The following FHOD3 variants were observed in gnomAD, a reference collection of about 807,000 sequenced individuals.
FHOD3 encodes the protein formin homology 2 domain containing 3.
Under a neutral mutation model 173.0 loss-of-function variants are expected in FHOD3, and 90 were observed. The ratio of observed to expected loss-of-function variants is 0.52; its 90% CI spans 0.44 to 0.62. The LOEUF is 0.62. Among genes scored for constraint, FHOD3 ranks in the 20% least tolerant of loss-of-function variants. The probability of loss-of-function intolerance (pLI) is 0.00; values close to 1 mark genes in which losing one functional copy is unlikely to be tolerated. For synonymous variants in FHOD3, 828 were observed against 823.0 expected (o/e 1.01, Z -0.10); for missense variants, 1,945 against 2,034.7 (o/e 0.96, Z 0.85).
At position 36,755,236 on chromosome 18, in the gene FHOD3, A is replaced by G; in HGVS notation, c.4350A>G (p.Glu1450=). 2 of 1,612,748 alleles carry G rather than the reference A, an allele frequency of 1.2e-6. No homozygotes were observed. The highest frequency in any genetic ancestry group is 1.1e-5 in the South Asian group (1 of 90,952). ...EFALEYRTTR[E]RVLQQKQKRA... Reference sequence around the variant, plus strand: ...CACTAGAGTATCGCACAACCAGGGAAAGGGTTTTGCAGCAGAAACAGAAAC... The same window carrying G: ...CACTAGAGTATCGCACAACCAGGGAGAGGGTTTTGCAGCAGAAACAGAAAC... Residue 1450 remains glutamate, a synonymous_variant, in exon 25 of 29, where the codon GAA becomes GAG. Coordinates refer to ENST00000590592, the MANE Select transcript of FHOD3 (RefSeq NM_001281740.3).
chr18:36,538,067 A>G (rs539196959), intron 5 of FHOD3, among the ~76,000 whole-genome samples: 67 of 152,350 alleles, frequency 4.4e-4, no homozygotes, highest in South Asian at 2.7e-3. Context: ...TCATTTGGAA[A>G]CAAACAAACA....
At chr18:36,608,761 T>C (rs959757349) in intron 8 of FHOD3, among the ~76,000 whole-genome samples, 1 of 152,204 alleles carries the variant, frequency 6.6e-6, no homozygotes, top group African/African-American at 2.4e-5. Context: ...AAGTAACCCT[T>C]TGAGGCTGGC....
intron 22 of FHOD3, among the ~76,000 whole-genome samples, chr18:36,743,060 C>T (rs1052513395): frequency 4.6e-5 from 7 of 152,162 alleles, no homozygotes; most frequent in African/African-American, 1.7e-4. Context: ...CCTGTAATCC[C>T]AGGACTTTGT....
At chr18:36,555,450 T>C (rs1403611522) in intron 5 of FHOD3, among the ~76,000 whole-genome samples, 3 of 152,094 alleles carry the variant, frequency 2.0e-5, no homozygotes, top group Middle Eastern at 3.2e-3. Flanking sequence ...GAGAGTGTTT[T>C]TGTGGGTCAG....
At chr18:36,395,128 A>G (rs898305469) in intron 3 of FHOD3, among the ~76,000 whole-genome samples, 2 of 151,914 alleles carry the variant, frequency 1.3e-5, no homozygotes, top group Non-Finnish European at 2.9e-5. Context: ...ACCACCATCA[A>G]TATAACTACT....
chr18:36,701,643 G>C (rs947703612), intron 17 of FHOD3, among the ~76,000 whole-genome samples: 1 of 151,982 alleles, frequency 6.6e-6, no homozygotes, highest in Non-Finnish European at 1.5e-5. Flanking sequence ...TGATTCCAAC[G>C]TGCCCCTTGT....
intron 10 of FHOD3, among the ~76,000 whole-genome samples, chr18:36,639,672 A>AAAAT (rs2035159405): frequency 6.6e-6 from 1 of 151,374 alleles, no homozygotes; most frequent in African/African-American, 2.4e-5. Context: ...CAAAAAAAAA[A>AAAAT]AAAAGCTGGG....
At chr18:36,436,539 G>T (rs894150121) in intron 3 of FHOD3, among the ~76,000 whole-genome samples, 6 of 152,170 alleles carry the variant, frequency 3.9e-5, no homozygotes, top group Admixed American at 3.9e-4. Context: ...TCTACAGATT[G>T]CTATGTTACG....
chr18:36,662,124 G>A (rs1035141411), intron 14 of FHOD3, among the ~76,000 whole-genome samples: 1 of 152,184 alleles, frequency 6.6e-6, no homozygotes, highest in African/African-American at 2.4e-5. Context: ...CACCTCAAGC[G>A]CATATGTGGT....
intron 22 of FHOD3, among the ~76,000 whole-genome samples, chr18:36,743,300 C>A (rs763098035): frequency 2.2e-5 from 2 of 91,064 alleles, no homozygotes; most frequent in African/African-American, 9.6e-5. Context: ...CAGAGCAAGA[C>A]TCTGTCTCAA....
At chr18:36,715,342 G>T (rs565814327) in intron 18 of FHOD3, among the ~76,000 whole-genome samples, 1 of 152,172 alleles carries the variant, frequency 6.6e-6, no homozygotes, top group Non-Finnish European at 1.5e-5. Flanking sequence ...CTGCCACCAC[G>T]TAAAGGAGGA....
intron 1 of FHOD3, among the ~76,000 whole-genome samples, chr18:36,313,379 C>G (rs1168188636): frequency 1.3e-5 from 2 of 152,210 alleles, no homozygotes; most frequent in African/African-American, 4.8e-5. Context: ...GTGACTGCCA[C>G]CACTAACAGG....
intron 3 of FHOD3, among the ~76,000 whole-genome samples, chr18:36,493,027 G>A (rs2054545523): frequency 6.6e-6 from 1 of 151,998 alleles, no homozygotes; most frequent in African/African-American, 2.4e-5. Flanking sequence ...CCAGCTCTGG[G>A]GCCAGCATCT....
At chr18:36,771,894 T>C (rs752395757) in intron 28 of FHOD3, among the ~76,000 whole-genome samples, 3 of 152,224 alleles carry the variant, frequency 2.0e-5, no homozygotes, top group Non-Finnish European at 2.9e-5. Flanking sequence ...GCATGGGACA[T>C]TGGACTGGCT....
intron 8 of FHOD3, among the ~76,000 whole-genome samples, chr18:36,603,774 G>C (rs1395229301): frequency 1.3e-5 from 2 of 152,166 alleles, no homozygotes; most frequent in African/African-American, 2.4e-5. Flanking sequence ...AAAGTGCTGG[G>C]ATTACAGGCG....
In FHOD3 at chr18:36,352,933, A is replaced by G. The variant is rs189659068; in HGVS notation, c.166-2606A>G. Among the ~76,000 whole-genome samples the G allele has an allele frequency of 2.0e-5, 3 of 152,324 alleles. No individual in the cohort carries two copies. In the East Asian group the frequency reaches 5.8e-4, roughly 29 times the overall value. On this transcript the variant is annotated intron_variant, in intron 1 of 28. Transcript: ENST00000590592. ...GTCCACTGTACGTGTCAACAGGTCCAATTTCCATTGGAATTTTCCACCTGG... is the reference window on the plus strand; with the variant it reads ...GTCCACTGTACGTGTCAACAGGTCCGATTTCCATTGGAATTTTCCACCTGG...
At chr18:36,391,182 C>T (rs1463023150) in intron 3 of FHOD3, among the ~76,000 whole-genome samples, 1 of 152,168 alleles carries the variant, frequency 6.6e-6, no homozygotes, top group Admixed American at 6.5e-5. Flanking sequence ...TCACTGTCAC[C>T]AGGTGCAGAC....
intron 1 of FHOD3, among the ~76,000 whole-genome samples, chr18:36,339,046 T>A (rs1036503788): frequency 6.6e-6 from 1 of 152,084 alleles, no homozygotes; most frequent in African/African-American, 2.4e-5. Context: ...GAAGTGGTGG[T>A]GTCTCTGTCA....
intron 3 of FHOD3, among the ~76,000 whole-genome samples, chr18:36,478,946 A>G (rs1046471011): frequency 5.3e-5 from 8 of 152,226 alleles, no homozygotes; most frequent in African/African-American, 1.9e-4. Context: ...TATAAATATC[A>G]AAGAGAGGAT....
Sources: gnomAD v4.1 joint callset for allele counts (sites outside exome capture counted in the v4.1 genomes callset) on GRCh38, gnomAD v4.1.1 for gene constraint, MANE v1.5 for transcripts, NCBI Gene and HGNC (gene_info 2026-07-23, HGNC 2026-07-21) for gene names.